Variants in BCL11B observed in about 807,000 individuals in gnomAD.
The protein encoded by BCL11B is B-cell lymphoma/leukemia 11B.
Under a neutral mutation model 49.9 loss-of-function variants are expected in BCL11B, and 8 were observed. The observed-to-expected ratio is 0.16, with a 90% CI of 0.09 to 0.29. BCL11B has a LOEUF of 0.29. Among genes scored for constraint, BCL11B ranks in the 10% least tolerant of loss-of-function variants. BCL11B has a pLI of 1.00. For missense variants in BCL11B, 1,006 were observed against 1,351.0 expected (o/e 0.74, Z 4.00); for synonymous variants, 739 against 637.4 (o/e 1.16, Z -2.40).
chr14:99,270,747 G>T (rs1304813048), intron 1 of BCL11B, among the ~76,000 whole-genome samples: 1 of 144,440 alleles, frequency 6.9e-6, no homozygotes, highest in Non-Finnish European at 1.5e-5. Context: ...CCCACTTCCC[G>T]GCTCCCCCTC....
rs955422194 is a variant in BCL11B at position 99,195,330 on chromosome 14, T to C, written c.641-19135A>G. ...AAAAGGAAGAGAAGCTTCCCAGGGC[T>C]CTCCAGTATTCCCCACACCTCCTCT... On this transcript the variant is annotated intron_variant, in intron 3 of 3. Transcript: ENST00000357195. The surrounding 1 kb of genome is among the most constrained non-coding windows in gnomAD (Gnocchi z 4.7). Among the ~76,000 whole-genome samples, 1 of 151,952 alleles carries C rather than the reference T, an allele frequency of 6.6e-6. No individual in the cohort carries two copies. Among genetic ancestry groups the C allele is most frequent in the Non-Finnish European group, 1.5e-5 (1 of 67,970 alleles).
chr14:99,261,724 G>A (rs1391455991), intron 1 of BCL11B, among the ~76,000 whole-genome samples: 2 of 152,172 alleles, frequency 1.3e-5, no homozygotes, highest in African/African-American at 2.4e-5. Flanking sequence ...AATATATTAT[G>A]AGCCGAATAA....
At position 99,175,610 on chromosome 14, in the gene BCL11B, A is replaced by AGCG; in HGVS notation, c.1223_1225dup (p.Pro408dup). 1.3e-6 allele frequency: 2 copies of AGCG among 1,564,636 alleles called. No individual in the cohort carries two copies. The highest frequency in any genetic ancestry group is 1.7e-6 in the Non-Finnish European group (2 of 1,161,942). ...CGTGCCGCCAGGGGGCATGGGCGGC[A>AGCG]GCGGCGGCGTGCTCAGGAACGGGGA... On this transcript the variant is annotated inframe_insertion, in exon 4 of 4. Coordinates refer to ENST00000357195, the MANE Select transcript of BCL11B (RefSeq NM_138576.4).
intron 3 of BCL11B, among the ~76,000 whole-genome samples, chr14:99,190,637 G>C (rs907636518): frequency 6.6e-6 from 1 of 152,140 alleles, no homozygotes; most frequent in East Asian, 1.9e-4. Flanking sequence ...AAGGAGGGAG[G>C]AAGGGCAGTA....
Position 99,257,335 on chromosome 14 carries a change from G to A in BCL11B, c.427+136C>T. On this transcript the variant is annotated intron_variant, in intron 2 of 3. Transcript: ENST00000357195. This position sits in a 1 kb window ranked among gnomAD's most constrained non-coding sequence, Gnocchi z 6.2. ...CACCTGGATGGTGGACCCTCAGAAA[G>A]GGGGAGCCCCGGCTGGTGGCCCAGA... The A allele has an allele frequency of 8.1e-7, 1 of 1,232,732 alleles. No homozygotes were observed. The highest frequency in any genetic ancestry group is 1.1e-6 in the Non-Finnish European group (1 of 915,834). The allele number at this position is 1,232,732 out of a possible 1,614,324, so 76.4% of individuals were successfully genotyped here. A position where few individuals can be genotyped will look rare whatever the true frequency, so the allele number is the denominator to read the frequency against.
At chr14:99,264,958 C>G (rs1245945562) in intron 1 of BCL11B, among the ~76,000 whole-genome samples, 1 of 152,188 alleles carries the variant, frequency 6.6e-6, no homozygotes, top group African/African-American at 2.4e-5. Flanking sequence ...CTGAGCACAT[C>G]TCCCTGACAT....
In BCL11B at chr14:99,234,593, C is replaced by T. The variant is rs138913422; in HGVS notation, c.428-3036G>A. 5.3e-5 allele frequency among the ~76,000 whole-genome samples: 8 copies of T among 152,196 alleles called. No individual in the cohort carries two copies. The East Asian group carries it at 1.6e-3, about 30-fold the overall frequency. On this transcript the variant is annotated intron_variant, in intron 2 of 3. Transcript: ENST00000357195. ...CTCGTGACTGAAGGTGAGTCACTTTCTCAGAGCCTCAGCTCCCTCAACTTT... is the reference window on the plus strand; with the variant it reads ...CTCGTGACTGAAGGTGAGTCACTTTTTCAGAGCCTCAGCTCCCTCAACTTT...
chr14:99,222,603 T>C (rs1888043393), intron 3 of BCL11B, among the ~76,000 whole-genome samples: 1 of 152,178 alleles, frequency 6.6e-6, no homozygotes, highest in Admixed American at 6.5e-5. Flanking sequence ...TTCTTCAAGG[T>C]CAAAACTGCC....
rs557785202 is a variant in BCL11B, at chr14:99,252,386, C to T, written c.427+5085G>A. 3.9e-5 allele frequency among the ~76,000 whole-genome samples: 6 copies of T among 152,318 alleles called. No homozygotes were observed. The South Asian group carries it at 1.0e-3, about 26-fold the overall frequency. On this transcript the variant is annotated intron_variant, in intron 2 of 3. Transcript: ENST00000357195. ...CAAGTTATTTAGTTTCTCTCACTAG[C>T]CAAGCTAATATTTTTTTTCACGTTT...
chr14:99,236,409 A>T (rs1888500858), intron 2 of BCL11B, among the ~76,000 whole-genome samples: 1 of 152,142 alleles, frequency 6.6e-6, no homozygotes, highest in Non-Finnish European at 1.5e-5. Context: ...ATCCTAGCTC[A>T]TCTCCTCCCA....
intron 3 of BCL11B, among the ~76,000 whole-genome samples, chr14:99,199,683 T>TGTGTGCGCGCGCGCGCGC (rs759599743): frequency 1.4e-5 from 1 of 73,644 alleles, no homozygotes; most frequent in Admixed American, 1.4e-4. Context: ...TGTGTGTGTG[T>TGTGTGCGCGCGCGCGCGC]GCGCGCGCGC....
chr14:99,207,280 GA>G (rs1404965631), intron 3 of BCL11B, among the ~76,000 whole-genome samples: 1 of 152,132 alleles, frequency 6.6e-6, no homozygotes, highest in Non-Finnish European at 1.5e-5. Context: ...AAAAATACAT[GA>G]GGACCCAATA....
intron 3 of BCL11B, among the ~76,000 whole-genome samples, chr14:99,220,769 C>A (rs923913603): frequency 1.3e-5 from 2 of 152,106 alleles, no homozygotes; most frequent in Non-Finnish European, 2.9e-5. Flanking sequence ...AACTCACAAT[C>A]GAAGCATTGT....
Position 99,170,415 on chromosome 14 carries a change from G to A in BCL11B, c.*3736C>T, listed in dbSNP as rs1324562970. The stretch of plus-strand genomic sequence containing the variant: ...TCTTACATTTCCTGAAATAAAAAAT[G>A]GCTTCCTGATATTGGTATTTTATTT... On this transcript the variant is annotated 3_prime_UTR_variant, in exon 4 of 4. Coordinates refer to ENST00000357195, the MANE Select transcript of BCL11B (RefSeq NM_138576.4). 8.9e-6 allele frequency: 2 copies of A among 225,160 alleles called. No homozygotes were observed. The highest frequency in any genetic ancestry group is 4.5e-5 in the African/African-American group (2 of 44,836). 13.9% of individuals were successfully genotyped at this position (225,160 alleles called of 1,614,324 possible). A position where few individuals can be genotyped will look rare whatever the true frequency, so the allele number is the denominator to read the frequency against.
At chr14:99,202,805 G>A (rs1566808130) in intron 3 of BCL11B, among the ~76,000 whole-genome samples, 1 of 152,194 alleles carries the variant, frequency 6.6e-6, no homozygotes, top group Non-Finnish European at 1.5e-5. Flanking sequence ...AACAAGCCTG[G>A]GGTCTCATGC....
intron 3 of BCL11B, among the ~76,000 whole-genome samples, chr14:99,207,978 A>C: frequency 6.6e-6 from 1 of 152,150 alleles, no homozygotes; most frequent in East Asian, 1.9e-4. Flanking sequence ...GAGCAGCATT[A>C]TTGGGAGGAA....
At chr14:99,264,942 C>T (rs1889439466) in intron 1 of BCL11B, among the ~76,000 whole-genome samples, 1 of 152,146 alleles carries the variant, frequency 6.6e-6, no homozygotes, top group Non-Finnish European at 1.5e-5. Context: ...AAGAGGGGGA[C>T]CGAGCCTGAG....
intron 3 of BCL11B, among the ~76,000 whole-genome samples, chr14:99,210,244 C>G (rs1887649086): frequency 6.6e-6 from 1 of 152,172 alleles, no homozygotes; most frequent in African/African-American, 2.4e-5. Flanking sequence ...CGTCTCTGGA[C>G]AACTGCATCC....
At position 99,175,635 on chromosome 14, in the gene BCL11B, A is replaced by C. The variant is rs768050501; in HGVS notation, c.1201T>G (p.Ser401Ala). ...LLNPFQPSPKSPFLSTPPLPP... is the reference protein window; with the variant it reads ...LLNPFQPSPKAPFLSTPPLPP... ...AGCGGCGGCGTGCTCAGGAACGGGG[A>C]CTTGGGGCTGGGCTGGAAGGGGTTC... The change falls in exon 4 of 4, where the codon TCC becomes GCC. Residue 401 changes from serine to alanine, a missense_variant. By Grantham distance (99) the Ser-to-Ala change is moderately conservative. Around this residue, in one of 6 missense-constraint regions of BCL11B, gnomAD observed 97 missense variants for 81.5 expected, o/e 1.19. Coordinates refer to ENST00000357195, the MANE Select transcript of BCL11B (RefSeq NM_138576.4). The C allele has an allele frequency of 6.4e-7, 1 of 1,558,340 alleles. No homozygotes were observed. Among genetic ancestry groups the C allele is most frequent in the Non-Finnish European group, 8.6e-7 (1 of 1,162,044 alleles).
Sources: allele counts gnomAD v4.1 joint callset (sites outside exome capture counted in the v4.1 genomes callset), GRCh38; gene constraint gnomAD v4.1.1; regional missense constraint gnomAD v4.1.1; non-coding constraint Gnocchi (gnomAD v3.1); transcripts MANE v1.5; gene names NCBI Gene and HGNC (gene_info 2026-07-23, HGNC 2026-07-21).